The following NRXN1 variants were observed in gnomAD, a reference collection of about 807,000 sequenced individuals.
NRXN1 encodes the protein neurexin 1, also known as neurexin-1.
Under a neutral mutation model 150.9 loss-of-function variants are expected in NRXN1, and 39 were observed. The ratio of observed to expected loss-of-function variants is 0.26; its 90% CI spans 0.20 to 0.34. The LOEUF (loss-of-function observed/expected upper bound fraction) is 0.34. NRXN1 is among the 10% of genes least tolerant of loss of function. The pLI, the probability that NRXN1 is intolerant of heterozygous loss-of-function variation, is 1.00. For synonymous variants in NRXN1, 924 were observed against 757.0 expected, an observed-to-expected ratio of 1.22 and a Z score of -3.62; for missense variants, 1,815 against 1,949.9, an observed-to-expected ratio of 0.93 and a Z score of 1.30.
intron 18 of NRXN1, among the ~76,000 whole-genome samples, chr2:50,170,298 T>C (rs760711470): frequency 3.3e-5 from 5 of 151,868 alleles, no homozygotes; most frequent in Non-Finnish European, 7.4e-5. Flanking sequence ...TTTTGTTTTG[T>C]TTTGTTTTGT....
chr2:50,362,775 C>T (rs995010535), intron 17 of NRXN1, among the ~76,000 whole-genome samples: 3 of 152,130 alleles, frequency 2.0e-5, no homozygotes, highest in East Asian at 1.9e-4. Flanking sequence ...AAAAGTACCC[C>T]GTACAGCCAA....
At chr2:50,673,657 A>G (rs1481678567) in intron 5 of NRXN1, among the ~76,000 whole-genome samples, 1 of 152,150 alleles carries the variant, frequency 6.6e-6, no homozygotes, top group East Asian at 1.9e-4. Flanking sequence ...GCAAACAGAC[A>G]GAAAAAGTAA....
At chr2:49,978,841 T>G (rs1371865062) in intron 21 of NRXN1, among the ~76,000 whole-genome samples, 1 of 152,060 alleles carries the variant, frequency 6.6e-6, no homozygotes, top group African/African-American at 2.4e-5. Context: ...ATAGTCCAAC[T>G]CCTTCGTTTT....
At chr2:50,137,189 C>A (rs1439319452) in intron 18 of NRXN1, among the ~76,000 whole-genome samples, 1 of 151,914 alleles carries the variant, frequency 6.6e-6, no homozygotes, top group Non-Finnish European at 1.5e-5. Context: ...CAATCTACCC[C>A]ATAAACATAT....
At chr2:50,065,784 T>C (rs999802945) in intron 19 of NRXN1, among the ~76,000 whole-genome samples, 3 of 152,158 alleles carry the variant, frequency 2.0e-5, no homozygotes, top group African/African-American at 7.2e-5. Flanking sequence ...AGCATAATAA[T>C]CCACTAACTT....
chr2:50,031,896 C>A (rs1689231976), intron 21 of NRXN1, among the ~76,000 whole-genome samples: 1 of 152,026 alleles, frequency 6.6e-6, no homozygotes, highest in African/African-American at 2.4e-5. Flanking sequence ...CCTGGTCTCA[C>A]TAGTTCCTAA....
At chr2:50,254,488 T>C (rs1224072207) in intron 17 of NRXN1, among the ~76,000 whole-genome samples, 3 of 151,834 alleles carry the variant, frequency 2.0e-5, no homozygotes, top group Non-Finnish European at 2.9e-5. Context: ...GGTTCTTTAG[T>C]TCTTCTAGTT....
chr2:50,068,133 C>T (rs144795575), intron 19 of NRXN1, among the ~76,000 whole-genome samples: 2 of 152,170 alleles, frequency 1.3e-5, no homozygotes, highest in East Asian at 3.9e-4. Context: ...TTTCAATGGA[C>T]TTCAATCTCT....
chr2:50,441,370 G>T (rs183393906), intron 17 of NRXN1, among the ~76,000 whole-genome samples: 58 of 152,032 alleles, frequency 3.8e-4, no homozygotes, highest in African/African-American at 1.2e-3. Context: ...AAGGATCTGG[G>T]TGTGAATAAG....
At chr2:50,711,345 T>C (rs1204324804) in intron 5 of NRXN1, among the ~76,000 whole-genome samples, 1 of 149,794 alleles carries the variant, frequency 6.7e-6, no homozygotes, top group Non-Finnish European at 1.5e-5. Flanking sequence ...TTTTTTTTTT[T>C]TTTTTTTGAG....
chr2:50,808,161 T>C (rs1667749256), intron 5 of NRXN1, among the ~76,000 whole-genome samples: 1 of 152,080 alleles, frequency 6.6e-6, no homozygotes, highest in African/African-American at 2.4e-5. Flanking sequence ...AAGTAAGAAG[T>C]ACAGTGTTAA....
intron 5 of NRXN1, among the ~76,000 whole-genome samples, chr2:50,631,622 G>T (rs921537988): frequency 1.3e-5 from 2 of 151,874 alleles, no homozygotes; most frequent in Non-Finnish European, 2.9e-5. Flanking sequence ...TTCTGCAAAA[G>T]AAAATAGGAC....
At chr2:50,564,244 C>T (rs1388615892) in intron 8 of NRXN1, among the ~76,000 whole-genome samples, 1 of 152,048 alleles carries the variant, frequency 6.6e-6, no homozygotes, top group Non-Finnish European at 1.5e-5. Context: ...GTACTTGATC[C>T]TGGGTACCTA....
At chr2:50,601,173 T>C (rs1402365005) in intron 8 of NRXN1, among the ~76,000 whole-genome samples, 1 of 152,206 alleles carries the variant, frequency 6.6e-6, no homozygotes, top group African/African-American at 2.4e-5. Context: ...AACAGTATGA[T>C]ATATACTCTT....
chr2:50,829,715 T>A, intron 5 of NRXN1: 16 of 1,596,998 alleles, frequency 1.0e-5, no homozygotes, highest in Non-Finnish European at 1.4e-5. Context: ...CACCCAGAGC[T>A]CGCCCACGGT....
At chr2:49,950,559 A>G (rs1673748385) in intron 21 of NRXN1, among the ~76,000 whole-genome samples, 1 of 152,024 alleles carries the variant, frequency 6.6e-6, no homozygotes, top group Non-Finnish European at 1.5e-5. Context: ...CGATATGCAA[A>G]TAATTTACTG....
At chr2:50,564,196 T>C (rs953970808) in intron 8 of NRXN1, among the ~76,000 whole-genome samples, 2 of 152,222 alleles carry the variant, frequency 1.3e-5, no homozygotes, top group Non-Finnish European at 2.9e-5. Flanking sequence ...CAAATGAGAT[T>C]ATGAAAACTT....
intron 5 of NRXN1, among the ~76,000 whole-genome samples, chr2:50,871,657 GGA>G (rs1677798334): frequency 6.6e-6 from 1 of 151,522 alleles, no homozygotes; most frequent in African/African-American, 2.4e-5. Flanking sequence ...CTTTTTTGGT[GGA>G]GAGTGTTGGG....
intron 2 of NRXN1, among the ~76,000 whole-genome samples, chr2:51,025,327 T>C (rs1480019522): frequency 3.3e-5 from 5 of 152,146 alleles, no homozygotes; most frequent in Admixed American, 1.3e-4. Context: ...TTCTTTATCT[T>C]ATAGAAAGAG....
Sources: gnomAD v4.1 joint callset for allele counts (sites outside exome capture counted in the v4.1 genomes callset) on GRCh38, gnomAD v4.1.1 for gene constraint, MANE v1.5 for transcripts, NCBI Gene and HGNC (gene_info 2026-07-23, HGNC 2026-07-21) for gene names.